The following TBC1D32 variants were observed in gnomAD, a reference collection of about 807,000 sequenced individuals.
TBC1D32 encodes the protein protein broad-minded.
TBC1D32 carries 151 observed loss-of-function variants against 170.3 expected under a neutral mutation model. The ratio of observed to expected loss-of-function variants is 0.89; its 90% CI spans 0.78 to 1.01. The LOEUF (loss-of-function observed/expected upper bound fraction) is 1.01. TBC1D32 is among the 50% of genes least tolerant of loss of function. TBC1D32 has a pLI of 0.00. For synonymous variants in TBC1D32, 498 were observed against 488.0 expected, an observed-to-expected ratio of 1.02 and a Z score of -0.27; for missense variants, 1,464 against 1,457.1, an observed-to-expected ratio of 1.00 and a Z score of -0.08.
intron 22 of TBC1D32, among the ~76,000 whole-genome samples, chr6:121,190,938 G>A (rs771030589): frequency 1.2e-4 from 18 of 150,060 alleles, no homozygotes; most frequent in Non-Finnish European, 1.9e-4. Context: ...AATATATACA[G>A]GGAAGAAAAA....
At chr6:121,288,361 A>T (rs1253933538) in intron 12 of TBC1D32, among the ~76,000 whole-genome samples, 2 of 152,238 alleles carry the variant, frequency 1.3e-5, no homozygotes, top group African/African-American at 2.4e-5. Flanking sequence ...ACCATCAGAG[A>T]ATACTATAAA....
intron 22 of TBC1D32, among the ~76,000 whole-genome samples, chr6:121,174,920 TA>T (rs1787548820): frequency 1.3e-5 from 2 of 151,042 alleles, no homozygotes. Context: ...AGGTCCCAGC[TA>T]CCGGAGAGGC....
At chr6:121,205,025 T>C (rs759788282) in intron 22 of TBC1D32, 50 bp downstream of exon 22, 2 of 1,121,336 alleles carry the variant, frequency 1.8e-6, no homozygotes, top group Non-Finnish European at 2.6e-6. Context: ...AAATGCTTAT[T>C]TTTTGTGGAA....
chr6:121,236,767 T>C (rs1051763506), intron 20 of TBC1D32, among the ~76,000 whole-genome samples: 1 of 152,110 alleles, frequency 6.6e-6, no homozygotes, highest in African/African-American at 2.4e-5. Flanking sequence ...CCATTTTATA[T>C]AAAATGTGAG....
At chr6:121,207,675 C>T (rs78908097) in intron 21 of TBC1D32, among the ~76,000 whole-genome samples, 1,721 of 152,158 alleles carry the variant, frequency 0.011, 41 homozygotes, top group African/African-American at 0.04. Flanking sequence ...TGCAAGAAGA[C>T]CCAGGACTTA....
rs202005424 is a variant in TBC1D32, at chr6:121,157,444, TC to T, written c.2773+2565del. Among the ~76,000 whole-genome samples the T allele has an allele frequency of 8.8e-3, 1,335 of 152,264 alleles. 10 individuals carry two copies. Among genetic ancestry groups the T allele is most frequent in the South Asian group, 0.041 (196 of 4,824 alleles). The stretch of plus-strand genomic sequence containing the variant: ...GAAGACAGCAGACAGTTGGGTCTTA[TC>T]TTTTTATCCAGCTTGCCACTCTATG... On this transcript the variant is annotated intron_variant, in intron 24 of 31. Transcript: ENST00000398212.
chr6:121,324,940 C>A (rs528115684), intron 1 of TBC1D32, among the ~76,000 whole-genome samples: 2 of 152,076 alleles, frequency 1.3e-5, no homozygotes, highest in African/African-American at 4.8e-5. Context: ...CTGGGCACAG[C>A]GGCTCACGCC....
At position 121,261,217 on chromosome 6, in the gene TBC1D32, A is replaced by G. The variant is rs188452919; in HGVS notation, c.1734-4932T>C. ...TTAGTCTTTCCTCCTGCTAGCTCTG[A>G]GGAATCTGGGCAGACCGGAAGAGTT... is the stretch of plus-strand genomic sequence containing the variant. On this transcript the variant is annotated intron_variant, in intron 15 of 31. Coordinates refer to ENST00000398212, the MANE Select transcript of TBC1D32 (RefSeq NM_152730.6). Among the ~76,000 whole-genome samples the G allele has an allele frequency of 1.2e-3, 189 of 152,300 alleles. 1 individual carries two copies. Among genetic ancestry groups the G allele is most frequent in the Non-Finnish European group, 5.3e-4 (36 of 68,022 alleles).
At chr6:121,114,077 G>T (rs139655615) in intron 27 of TBC1D32, among the ~76,000 whole-genome samples, 1 of 152,112 alleles carries the variant, frequency 6.6e-6, no homozygotes, top group East Asian at 1.9e-4. Flanking sequence ...AGCAGCCTGA[G>T]GCAGGAGAAT....
At chr6:121,140,284 C>A (rs1309898297) in intron 24 of TBC1D32, among the ~76,000 whole-genome samples, 2 of 150,698 alleles carry the variant, frequency 1.3e-5, no homozygotes, top group Non-Finnish European at 3.0e-5. Context: ...CTCCCCCCAC[C>A]CTGATCTCAT....
chr6:121,085,819 G>T (rs181328389), intron 31 of TBC1D32, among the ~76,000 whole-genome samples: 2 of 152,070 alleles, frequency 1.3e-5, no homozygotes. Context: ...AAACTCAGCT[G>T]AAGGGTACTT....
chr6:121,298,895 T>C (rs1806042804), intron 10 of TBC1D32, among the ~76,000 whole-genome samples: 1 of 152,150 alleles, frequency 6.6e-6, no homozygotes, highest in South Asian at 2.1e-4. Context: ...TTTCATTTTG[T>C]CAATTATTTA....
rs1480722867 is a variant in TBC1D32, at chr6:121,281,401, TA to T, written c.1608+142del. The T allele has an allele frequency of 7.9e-6, 4 of 508,356 alleles. 1 individual carries two copies. Among genetic ancestry groups the T allele is most frequent in the Non-Finnish European group, 1.3e-5 (4 of 306,570 alleles). The allele number at this position is 508,356 out of a possible 1,614,324, so 31.5% of individuals were successfully genotyped here. A position where few individuals can be genotyped will look rare whatever the true frequency, so the allele number is the denominator to read the frequency against. On this transcript the variant is annotated intron_variant, in intron 14 of 31. Transcript: ENST00000398212. ...GCATAAGCTATAATTTAATAATAAA[TA>T]AAAATATATATCAACACAAAATACA...
At chr6:121,321,888 T>C in intron 1 of TBC1D32, 94 bp from the exon 2 acceptor site, 1 of 1,102,722 alleles carries the variant, frequency 9.1e-7, no homozygotes, top group East Asian at 2.6e-5. Flanking sequence ...TAAGATTTCT[T>C]ACCTTAAACT....
chr6:121,255,755 CA>C (rs1798922277), intron 16 of TBC1D32, among the ~76,000 whole-genome samples: 2 of 151,990 alleles, frequency 1.3e-5, no homozygotes, highest in African/African-American at 4.8e-5. Flanking sequence ...GTATCCACAA[CA>C]AAAACCCAGC....
chr6:121,083,153 T>C (rs1334096408), intron 31 of TBC1D32, among the ~76,000 whole-genome samples: 1 of 152,056 alleles, frequency 6.6e-6, no homozygotes, highest in Non-Finnish European at 1.5e-5. Flanking sequence ...TAGTGCTTCA[T>C]TATAATTTCA....
chr6:121,174,788 T>C lies in TBC1D32; in HGVS notation c.2571-13732A>G, dbSNP rs542355234. 2.7e-4 allele frequency among the ~76,000 whole-genome samples: 41 copies of C among 152,232 alleles called. No individual in the cohort carries two copies. In the South Asian group the frequency reaches 7.9e-3, roughly 29 times the overall value. ...AATCATGCCTGTAATCCCAGCATTT[T>C]GGGAGGCTGAAGCAGACAGATCACT... On this transcript the variant is annotated intron_variant, in intron 22 of 31. Coordinates refer to ENST00000398212, the MANE Select transcript of TBC1D32 (RefSeq NM_152730.6).
In TBC1D32 at chr6:121,264,870, A is replaced by G. The variant is rs550276952; in HGVS notation, c.1734-8585T>C. Among the ~76,000 whole-genome samples, 318 of 152,344 alleles carry G rather than the reference A, an allele frequency of 2.1e-3. 1 individual carries two copies. Among genetic ancestry groups the G allele is most frequent in the African/African-American group, 7.3e-3 (305 of 41,578 alleles). ...CTTCGATAAAATTCAACATCCCTTC[A>G]TGCTAAAAACTCTCAATAAACTAGG... On this transcript the variant is annotated intron_variant, in intron 15 of 31. Coordinates refer to ENST00000398212, the MANE Select transcript of TBC1D32 (RefSeq NM_152730.6).
chr6:121,156,011 GATA>G (rs1337058044), intron 24 of TBC1D32, among the ~76,000 whole-genome samples: 2 of 151,962 alleles, frequency 1.3e-5, no homozygotes, highest in Non-Finnish European at 2.9e-5. Flanking sequence ...TTGGTATCAG[GATA>G]ATATTGGCTT....
Sources: allele counts gnomAD v4.1 joint callset (sites outside exome capture counted in the v4.1 genomes callset), GRCh38; gene constraint gnomAD v4.1.1; transcripts MANE v1.5; gene names NCBI Gene and HGNC (gene_info 2026-07-23, HGNC 2026-07-21).